The following NCOA7 variants were observed in gnomAD, a reference collection of about 807,000 sequenced individuals.
NCOA7 encodes the protein 140 kDa estrogen receptor-associated protein.
In NCOA7, 45 loss-of-function variants were observed where a neutral mutation model predicts 104.3. The observed-to-expected ratio is 0.43, with a 90% CI of 0.34 to 0.55. NCOA7 has a LOEUF of 0.55. Among genes scored for constraint, NCOA7 ranks in the 20% least tolerant of loss-of-function variants. The pLI is 0.02. For synonymous variants in NCOA7, 398 were observed against 402.3 expected (o/e 0.99, Z 0.13); for missense variants, 1,041 against 1,119.7 (o/e 0.93, Z 1.00).
At chr6:125,928,143 T>G in intron 14 of NCOA7, 31 bp from the exon 15 acceptor site, 1 of 1,559,794 alleles carries the variant, frequency 6.4e-7, no homozygotes, top group African/African-American at 1.4e-5. Flanking sequence ...GATTAAAATG[T>G]CTGTTTTCTT....
chr6:125,918,135 T>A (rs528565074), intron 11 of NCOA7, among the ~76,000 whole-genome samples: 7 of 152,322 alleles, frequency 4.6e-5, no homozygotes, highest in Non-Finnish European at 1.0e-4. Flanking sequence ...TTTCCCTTTT[T>A]TTGTAGTGAG....
Position 125,922,817 on chromosome 6 carries a change from A to G in NCOA7, c.2506A>G (p.Lys836Glu), listed in dbSNP as rs1337298500. The G allele has an allele frequency of 1.3e-5, 21 of 1,613,972 alleles. No homozygotes were observed. The highest frequency in any genetic ancestry group is 1.4e-5 in the Non-Finnish European group (17 of 1,180,006). ...AGACAGTCCTGTCCTATTGGTCATCAAAGATATGGATAATCAGGTGAGGCC... is the reference window on the plus strand; with the variant it reads ...AGACAGTCCTGTCCTATTGGTCATCGAAGATATGGATAATCAGGTGAGGCC... ...SLDSPVLLVI[K>E]DMDNQIFGAY... The change falls in exon 13 of 16, where the codon AAA (lysine) becomes GAA (glutamate). Residue 836 changes from lysine to glutamate, a missense_variant. By Grantham distance (56) the Lys-to-Glu change is moderately conservative. Coordinates refer to ENST00000392477, the MANE Select transcript of NCOA7 (RefSeq NM_181782.5).
chr6:125,905,327 GCTCATTGCAA>G (rs1411235086), intron 10 of NCOA7, among the ~76,000 whole-genome samples: 6 of 150,852 alleles, frequency 4.0e-5, no homozygotes, highest in Admixed American at 6.6e-5. Flanking sequence ...TGCGATCTCG[GCTCATTGCAA>G]CCTATGCCTC....
chr6:125,877,906 C>T (rs1231094166), intron 4 of NCOA7, among the ~76,000 whole-genome samples: 5 of 152,172 alleles, frequency 3.3e-5, no homozygotes, highest in Admixed American at 1.3e-4. Flanking sequence ...GAGAAAGTAG[C>T]CCCACTTCCC....
At chr6:125,823,744 T>C (rs1348216801) in intron 2 of NCOA7, among the ~76,000 whole-genome samples, 1 of 152,212 alleles carries the variant, frequency 6.6e-6, no homozygotes, top group African/African-American at 2.4e-5. Flanking sequence ...GTTACTTAAT[T>C]CTGTGTAAAA....
chr6:125,829,380 G>A (rs965455605), intron 2 of NCOA7, among the ~76,000 whole-genome samples: 4 of 152,160 alleles, frequency 2.6e-5, no homozygotes, highest in Admixed American at 6.5e-5. Context: ...TATGTGACTG[G>A]ATTTTAATAT....
chr6:125,896,020 A>G (rs973005700), intron 10 of NCOA7, among the ~76,000 whole-genome samples: 1 of 148,106 alleles, frequency 6.8e-6, no homozygotes, highest in Non-Finnish European at 1.5e-5. Flanking sequence ...TAAAATATAT[A>G]TATATTATAT....
chr6:125,904,340 A>C, intron 10 of NCOA7, among the ~76,000 whole-genome samples: 1 of 151,900 alleles, frequency 6.6e-6, no homozygotes, highest in South Asian at 2.1e-4. Context: ...TTTACTCTCC[A>C]CCACCTGAGC....
intron 1 of NCOA7, among the ~76,000 whole-genome samples, chr6:125,808,026 G>C (rs1191845365): frequency 6.6e-6 from 1 of 152,130 alleles, no homozygotes; most frequent in African/African-American, 2.4e-5. Context: ...TCATTTTCCT[G>C]ATCCACTAGA....
At chr6:125,787,611 C>A (rs1266731012), upstream of NCOA7, among the ~76,000 whole-genome samples, 1 of 152,112 alleles carries the variant, frequency 6.6e-6, no homozygotes, top group Non-Finnish European at 1.5e-5. Flanking sequence ...ATGACAAATC[C>A]ACCTAAATTA....
chr6:125,900,122 C>A, intron 10 of NCOA7: 1 of 481,686 alleles, frequency 2.1e-6, no homozygotes, highest in South Asian at 1.5e-5. Flanking sequence ...TATAGAGCTC[C>A]TTCTCTACCA....
intron 10 of NCOA7, chr6:125,900,060 G>A (rs1785364777): frequency 1.9e-6 from 1 of 532,610 alleles, no homozygotes; most frequent in Non-Finnish European, 3.9e-6. Context: ...AAACCTAAAT[G>A]CCTGCAGGGG....
intron 10 of NCOA7, among the ~76,000 whole-genome samples, chr6:125,909,814 A>G (rs146832227): frequency 2.8e-4 from 42 of 152,286 alleles, no homozygotes; most frequent in African/African-American, 1.0e-3. Context: ...TGTCTCAGAA[A>G]AAAAAAGAAA....
At chr6:125,847,083 G>A (rs1038947814) in intron 2 of NCOA7, among the ~76,000 whole-genome samples, 22 of 152,200 alleles carry the variant, frequency 1.4e-4, no homozygotes, top group African/African-American at 5.1e-4. Context: ...TTTTTAATAT[G>A]TAATTGTACA....
chr6:125,912,374 G>A (rs1384952308), intron 10 of NCOA7, among the ~76,000 whole-genome samples: 3 of 152,238 alleles, frequency 2.0e-5, no homozygotes, highest in Non-Finnish European at 2.9e-5. Context: ...ATATTGCTGC[G>A]TGGGCATGGA....
chr6:125,904,223 C>T (rs1037987737), intron 10 of NCOA7, among the ~76,000 whole-genome samples: 1 of 152,034 alleles, frequency 6.6e-6, no homozygotes, highest in African/African-American at 2.4e-5. Flanking sequence ...TCTTTTATTC[C>T]TCCTCTCAGG....
intron 1 of NCOA7, among the ~76,000 whole-genome samples, chr6:125,781,605 G>T (rs945277002): frequency 2.6e-5 from 4 of 152,086 alleles, no homozygotes; most frequent in Admixed American, 6.5e-5. Flanking sequence ...TCAGTAGGTG[G>T]AGCTCTTAAC....
intron 2 of NCOA7, among the ~76,000 whole-genome samples, chr6:125,831,994 C>T (rs1186907743): frequency 6.6e-6 from 1 of 152,178 alleles, no homozygotes; most frequent in Non-Finnish European, 1.5e-5. Context: ...TCCACAGACT[C>T]ATTTGTGATG....
chr6:125,809,289 T>A (rs1776747147), intron 1 of NCOA7, among the ~76,000 whole-genome samples: 1 of 152,188 alleles, frequency 6.6e-6, no homozygotes, highest in African/African-American at 2.4e-5. Context: ...CTCAGGTTGA[T>A]CTCGTGCCTC....
Sources: allele counts gnomAD v4.1 joint callset (sites outside exome capture counted in the v4.1 genomes callset), GRCh38; gene constraint gnomAD v4.1.1; transcripts MANE v1.5; gene names NCBI Gene and HGNC (gene_info 2026-07-23, HGNC 2026-07-21).